CELF2: variants seen among roughly 807,000 people sequenced by gnomAD.
CELF2 encodes CUGBP Elav-like family member 2.
A neutral mutation model predicts 62.6 loss-of-function variants in CELF2; 8 were observed. The ratio of observed to expected loss-of-function variants is 0.13; its 90% CI spans 0.07 to 0.23. CELF2 has a LOEUF of 0.23. Ranked by LOEUF, CELF2 falls within the 10% of genes least tolerant of loss-of-function variation. The probability of loss-of-function intolerance (pLI) is 1.00; values close to 1 mark genes in which losing one functional copy is unlikely to be tolerated. For missense variants in CELF2, 333 were observed against 671.0 expected (o/e 0.50, Z 5.56); for synonymous variants, 258 against 250.0 (o/e 1.03, Z -0.30).
At chr10:11,027,294 C>T (rs1342878964) in intron 1 of CELF2, among the ~76,000 whole-genome samples, 1 of 152,174 alleles carries the variant, frequency 6.6e-6, no homozygotes, top group African/African-American at 2.4e-5. Flanking sequence ...CCTGTCTGCT[C>T]GTTCCCCCTT....
the CELF2 span, among the ~76,000 whole-genome samples, chr10:10,696,551 G>T: frequency 7.9e-5 from 12 of 151,932 alleles, no homozygotes; most frequent in Non-Finnish European, 4.4e-5. Flanking sequence ...CTTCCCTGCT[G>T]CTTTGTTTAC....
chr10:10,736,983 T>TATAAATTATAAATAAGTAATTAAAG, the CELF2 span, among the ~76,000 whole-genome samples: 1 of 152,170 alleles, frequency 6.6e-6, no homozygotes, highest in African/African-American at 2.4e-5. Context: ...TCTGTGTCAT[T>TATAAATTATAAATAAGTAATTAAAG]ATAAATTATA....
At chr10:10,670,796 C>A in the CELF2 span, among the ~76,000 whole-genome samples, 1 of 152,164 alleles carries the variant, frequency 6.6e-6, no homozygotes, top group Non-Finnish European at 1.5e-5. Flanking sequence ...TTTACTGTCT[C>A]CATAGTTTTG....
chr10:10,868,901 T>G (rs2060550846), intron 1 of CELF2, among the ~76,000 whole-genome samples: 1 of 152,242 alleles, frequency 6.6e-6, no homozygotes, highest in Non-Finnish European at 1.5e-5. Context: ...TTAGTTTTGA[T>G]GCTAATTTCA....
In CELF2 at chr10:11,197,049, G is replaced by GAAAGAAAGAAAGAAAGAAAGAAAGA. The variant is rs1181847217; in HGVS notation, c.272-20365_272-20364insGAAAGAAAGAAAGAAAAGAAAGAAA. 1.4e-4 allele frequency among the ~76,000 whole-genome samples: 7 copies of GAAAGAAAGAAAGAAAGAAAGAAAGA among 51,628 alleles called. 2 individuals are homozygous for GAAAGAAAGAAAGAAAGAAAGAAAGA. The East Asian group carries it at 1.7e-3, about 13-fold the overall frequency. 33.9% of individuals were successfully genotyped at this position (51,628 alleles called of 152,430 possible). A position where few individuals can be genotyped will look rare whatever the true frequency, so the allele number is the denominator to read the frequency against. On this transcript the variant is annotated intron_variant, in intron 2 of 12. Transcript: ENST00000633077. ...GAAAAGAAAGAAAGAAAGAAAGAAA[G>GAAAGAAAGAAAGAAAGAAAGAAAGA]AAAGAAAGAAAAGAAAGAAAGGAAA... is the stretch of plus-strand genomic sequence containing the variant.
the CELF2 span, among the ~76,000 whole-genome samples, chr10:10,761,419 A>G: frequency 1.8e-4 from 27 of 152,358 alleles, no homozygotes; most frequent in Non-Finnish European, 3.2e-4. Context: ...GTGTAAGTCC[A>G]TGAAAAATGT....
intron 11 of CELF2, among the ~76,000 whole-genome samples, chr10:11,322,336 C>T (rs2095485628): frequency 6.6e-6 from 1 of 152,162 alleles, no homozygotes; most frequent in Non-Finnish European, 1.5e-5. Flanking sequence ...GCCAGTAAAG[C>T]AAAATAAACT....
chr10:11,226,355 G>A (rs1053060036), intron 3 of CELF2, among the ~76,000 whole-genome samples: 5 of 152,258 alleles, frequency 3.3e-5, no homozygotes, highest in Admixed American at 6.5e-5. Flanking sequence ...CCATTCTGCT[G>A]TGTGTTGGTG....
At chr10:10,785,688 CAG>C in the CELF2 span, among the ~76,000 whole-genome samples, 1 of 152,036 alleles carries the variant, frequency 6.6e-6, no homozygotes, top group African/African-American at 2.4e-5. Context: ...CTCTTAGAAG[CAG>C]AGAGTAGAAG....
At chr10:10,770,208 G>A in the CELF2 span, among the ~76,000 whole-genome samples, 1 of 152,064 alleles carries the variant, frequency 6.6e-6, no homozygotes, top group African/African-American at 2.4e-5. Context: ...TGCATAATTA[G>A]TTTTGGATAT....
intron 2 of CELF2, among the ~76,000 whole-genome samples, chr10:10,976,992 T>A (rs568551470): frequency 0.015 from 2,209 of 152,258 alleles, 52 homozygotes; most frequent in African/African-American, 0.051. Flanking sequence ...CCCACCTATA[T>A]GACTGTGTCC....
chr10:10,761,436 A>G, the CELF2 span, among the ~76,000 whole-genome samples: 1 of 152,198 alleles, frequency 6.6e-6, no homozygotes, highest in African/African-American at 2.4e-5. Context: ...ATGTATGTTG[A>G]TTAATTTTAT....
intron 1 of CELF2, among the ~76,000 whole-genome samples, chr10:11,093,578 A>G (rs1413746082): frequency 6.6e-6 from 1 of 152,220 alleles, no homozygotes; most frequent in Non-Finnish European, 1.5e-5. Flanking sequence ...ATTGAGTGTC[A>G]TAGTGAAACT....
chr10:10,557,257 G>T, the CELF2 span, among the ~76,000 whole-genome samples: 4,810 of 147,446 alleles, frequency 0.033, 191 homozygotes, highest in East Asian at 0.14. Flanking sequence ...CATATGGCTA[G>T]CCAGTTTTCC....
the CELF2 span, among the ~76,000 whole-genome samples, chr10:10,568,865 G>A: frequency 6.6e-6 from 1 of 152,128 alleles, no homozygotes; most frequent in African/African-American, 2.4e-5. Context: ...AGGTGGTCTT[G>A]AGTACCTATT....
At chr10:11,133,721 C>T (rs753338195) in intron 1 of CELF2, among the ~76,000 whole-genome samples, 7 of 152,216 alleles carry the variant, frequency 4.6e-5, no homozygotes, top group Non-Finnish European at 1.0e-4. Context: ...ATTCCTGTGG[C>T]GGCCCTTCCC....
intron 1 of CELF2, among the ~76,000 whole-genome samples, chr10:10,901,369 C>T (rs1475092877): frequency 2.6e-5 from 4 of 152,068 alleles, no homozygotes; most frequent in Non-Finnish European, 5.9e-5. Context: ...AGCAAAGAGA[C>T]CTTACATATC....
intron 9 of CELF2, among the ~76,000 whole-genome samples, chr10:11,293,558 G>C (rs2092791446): frequency 1.3e-5 from 2 of 152,214 alleles, no homozygotes; most frequent in African/African-American, 4.8e-5. Flanking sequence ...GAGGGCTGGA[G>C]TGTCAGTGCT....
At chr10:10,571,696 A>G in the CELF2 span, among the ~76,000 whole-genome samples, 3 of 152,184 alleles carry the variant, frequency 2.0e-5, no homozygotes, top group Non-Finnish European at 4.4e-5. Context: ...AAAGATTGCT[A>G]TCAGGATGCT....
Sources: allele counts gnomAD v4.1 joint callset (sites outside exome capture counted in the v4.1 genomes callset), GRCh38; gene constraint gnomAD v4.1.1; transcripts MANE v1.5; gene names NCBI Gene and HGNC (gene_info 2026-07-23, HGNC 2026-07-21).